KIAA1755: variants seen among roughly 807,000 people sequenced by gnomAD.
KIAA1755 encodes the protein KIAA1755.
In KIAA1755, 68 loss-of-function variants were observed where a neutral mutation model predicts 91.7. That is an observed-to-expected ratio of 0.74 (90% CI 0.61 to 0.91). The LOEUF (loss-of-function observed/expected upper bound fraction) is 0.91, where lower values mean the gene tolerates loss of function less well. Among genes scored for constraint, KIAA1755 ranks in the 40% least tolerant of loss-of-function variants. The pLI is 0.00. For synonymous variants in KIAA1755, 610 were observed against 604.6 expected, an observed-to-expected ratio of 1.01 and a Z score of -0.13; for missense variants, 1,535 against 1,494.4, an observed-to-expected ratio of 1.03 and a Z score of -0.45.
Position 38,240,805 on chromosome 20 carries a change from C to T in KIAA1755, c.1326G>A (p.Lys442=), listed in dbSNP as rs140948739. 1,832 of 1,612,910 alleles carry T rather than the reference C, an allele frequency of 1.1e-3. 2 individuals carry two copies. Among genetic ancestry groups the T allele is most frequent in the Non-Finnish European group, 1.4e-3 (1,634 of 1,179,462 alleles). Residue 442 remains lysine (K), a synonymous_variant, in exon 3 of 14, where the codon AAG becomes AAA. Transcript: ENST00000279024. Reference sequence around the variant, plus strand: ...GAAGTCTCCCATTTCTCTCTTTGGTCTTCACCTCTATCTTTGTTTCAGAGG... The same window carrying T: ...GAAGTCTCCCATTTCTCTCTTTGGTTTTCACCTCTATCTTTGTTTCAGAGG... ...AAASETKIEV[K]TKERNGRLPK...
chr20:38,228,508 C>G (rs542917774), intron 5 of KIAA1755, among the ~76,000 whole-genome samples: 1 of 152,294 alleles, frequency 6.6e-6, no homozygotes, highest in South Asian at 2.1e-4. Context: ...AGCAACTAAC[C>G]CAGGTACAGT....
intron 7 of KIAA1755, 102 bp downstream of exon 7, chr20:38,227,051 CT>C: frequency 1.3e-6 from 1 of 780,090 alleles, no homozygotes; most frequent in Non-Finnish European, 2.1e-6. Context: ...ACCTCCAGGC[CT>C]CTTCTAGCTC....
chr20:38,236,700 C>G (rs552921884), intron 4 of KIAA1755: 1 of 152,194 alleles, frequency 6.6e-6, no homozygotes, highest in Admixed American at 6.6e-5. Context: ...AAACATGGAA[C>G]GCAATGACGA....
At chr20:38,220,564 T>C (rs1290209076) in intron 10 of KIAA1755, among the ~76,000 whole-genome samples, 1 of 152,196 alleles carries the variant, frequency 6.6e-6, no homozygotes, top group Admixed American at 6.5e-5. Context: ...TCTGTCTGCC[T>C]CAGCCTCCAA....
intron 4 of KIAA1755, among the ~76,000 whole-genome samples, chr20:38,232,270 G>A (rs1437479045): frequency 1.3e-5 from 2 of 152,108 alleles, no homozygotes; most frequent in African/African-American, 4.8e-5. Flanking sequence ...CCTCACAGGG[G>A]TCCAACCACC....
At chr20:38,219,870 C>T (rs927417964) in intron 10 of KIAA1755, 102 bp from the exon 11 acceptor site, 1 of 1,469,646 alleles carries the variant, frequency 6.8e-7, no homozygotes, top group African/African-American at 1.4e-5. Context: ...TGGCCCCAGC[C>T]TGGGTTTCCA....
At chr20:38,258,398 A>G (rs1453642983) in intron 1 of KIAA1755, among the ~76,000 whole-genome samples, 2 of 152,210 alleles carry the variant, frequency 1.3e-5, no homozygotes, top group African/African-American at 4.8e-5. Flanking sequence ...TTTCAGTGAT[A>G]CTAACATTTG....
chr20:38,247,930 A>G (rs991881845), intron 1 of KIAA1755, among the ~76,000 whole-genome samples: 3 of 152,212 alleles, frequency 2.0e-5, no homozygotes, highest in African/African-American at 7.2e-5. Flanking sequence ...CTCTTATTAC[A>G]TTAAAAATCG....
In KIAA1755 at chr20:38,213,200, C is replaced by A; in HGVS notation, c.3445G>T (p.Ala1149Ser). The A allele has an allele frequency of 6.2e-7, 1 of 1,613,480 alleles. No homozygotes were observed. Among genetic ancestry groups the A allele is most frequent in the Non-Finnish European group, 8.5e-7 (1 of 1,180,008 alleles). The change falls in exon 14 of 14, where the codon GCC becomes TCC. Residue 1149 changes from alanine to serine, a missense_variant. Physicochemically the swap from Ala to Ser is moderately conservative, Grantham distance 99. Transcript: ENST00000279024. ...GKGSHKLPDPAREHLLATTFF... is the reference protein window; with the variant it reads ...GKGSHKLPDPSREHLLATTFF... ...GTGGTGGCAAGCAAATGCTCGCGGG[C>A]AGGGTCAGGCAGCTTGTGGGAGCCT...
Position 38,223,452 on chromosome 20 carries a change from C to T in KIAA1755, c.2268+86G>A, listed in dbSNP as rs1447993176. Reference sequence around the variant, plus strand: ...ACAGGAATAATGTCCTCCCCCTTTTCCCCAGGCCGTCCCCTTCTCGAAGCC... The same window carrying T: ...ACAGGAATAATGTCCTCCCCCTTTTTCCCAGGCCGTCCCCTTCTCGAAGCC... On this transcript the variant is annotated intron_variant, in intron 9 of 13. Coordinates refer to ENST00000279024, the MANE Select transcript of KIAA1755 (RefSeq NM_001029864.2). 4 of 874,962 alleles carry T rather than the reference C, an allele frequency of 4.6e-6. No individual in the cohort carries two copies. The African/African-American group carries it at 5.4e-5, about 12-fold the overall frequency. The allele number at this position is 874,962 out of a possible 1,614,324, so 54.2% of individuals were successfully genotyped here. A position where few individuals can be genotyped will look rare whatever the true frequency, so the allele number is the denominator to read the frequency against.
Position 38,241,208 on chromosome 20 carries a change from A to T in KIAA1755, c.923T>A (p.Ile308Lys). ...SGCTSGALEE[I>K]AGTKETPLFQ... ...TAAGGGAGTTTCCTTAGTTCCAGCT[A>T]TCTCCTCTAGTGCCCCAGAAGTACA... Residue 308 changes from isoleucine (I) to lysine (K), a missense_variant, in exon 3 of 14, where the codon ATA (isoleucine) becomes AAA (lysine). By Grantham distance (102) the Ile-to-Lys change is moderately radical. Transcript: ENST00000279024. 6.2e-7 allele frequency: 1 copy of T among 1,614,094 alleles called. No homozygotes were observed. Among genetic ancestry groups the T allele is most frequent in the African/African-American group, 1.3e-5 (1 of 75,030 alleles).
intron 13 of KIAA1755, among the ~76,000 whole-genome samples, chr20:38,214,139 C>T (rs557356414): frequency 1.6e-3 from 247 of 152,134 alleles, no homozygotes; most frequent in African/African-American, 5.1e-3. Context: ...TTTAGTAGGA[C>T]GGGGTTTCAC....
At chr20:38,244,517 C>T (rs533850248) in intron 2 of KIAA1755, among the ~76,000 whole-genome samples, 3 of 152,274 alleles carry the variant, frequency 2.0e-5, no homozygotes, top group African/African-American at 7.2e-5. Context: ...AGGCAGTGGG[C>T]AACTCAGGAC....
intron 1 of KIAA1755, among the ~76,000 whole-genome samples, chr20:38,254,384 G>A (rs2123337132): frequency 6.6e-6 from 1 of 152,024 alleles, no homozygotes; most frequent in East Asian, 1.9e-4. Context: ...GTGAGATTAT[G>A]CCCCTGACTC....
At chr20:38,223,775 G>A in intron 8 of KIAA1755, 139 bp from the exon 9 acceptor site, 4 of 635,926 alleles carry the variant, frequency 6.3e-6, no homozygotes, top group South Asian at 3.8e-5. Context: ...TGGAGAGCTG[G>A]TTAAAACACA....
Position 38,237,271 on chromosome 20 carries a change from G to A in KIAA1755, c.1747+2257C>T, listed in dbSNP as rs902709181. ...GTGAAGTCATCACACAGGACTGTGGGGGAGTCATTCAGGACTCTGGAGGTG... is the reference window on the plus strand; with the variant it reads ...GTGAAGTCATCACACAGGACTGTGGAGGAGTCATTCAGGACTCTGGAGGTG... On this transcript the variant is annotated intron_variant, in intron 4 of 13. Coordinates refer to ENST00000279024, the MANE Select transcript of KIAA1755 (RefSeq NM_001029864.2). Among the ~76,000 whole-genome samples, 6 of 151,984 alleles carry A rather than the reference G, an allele frequency of 3.9e-5. No homozygotes were observed. In the East Asian group the frequency reaches 5.9e-4, roughly 15 times the overall value.
chr20:38,224,225 T>C (rs1402349145), intron 8 of KIAA1755, among the ~76,000 whole-genome samples: 1 of 152,170 alleles, frequency 6.6e-6, no homozygotes, highest in Non-Finnish European at 1.5e-5. Context: ...GCCCATACTG[T>C]GTTTATCATC....
rs1401194394 is a variant in KIAA1755, at chr20:38,213,576, G to T, written c.3069C>A (p.Ser1023=). ...KLAAVGLQVA[S]LSRAGLGQEL... is the part of the protein sequence containing the mutation. ...CCTGGCCCAGGCCTGCCCGGCTCAG[G>T]GAGGCCACCTGCAGCCCCACGGCTG... The change falls in exon 14 of 14, where the codon TCC becomes TCA. Residue 1023 remains serine, a synonymous_variant. Transcript: ENST00000279024. 6.8e-6 allele frequency: 11 copies of T among 1,607,240 alleles called. No individual in the cohort carries two copies. The highest frequency in any genetic ancestry group is 9.4e-6 in the Non-Finnish European group (11 of 1,176,470).
At chr20:38,214,056 A>C (rs1474370213) in intron 13 of KIAA1755, among the ~76,000 whole-genome samples, 1 of 151,630 alleles carries the variant, frequency 6.6e-6, no homozygotes, top group Non-Finnish European at 1.5e-5. Context: ...GGTTCAAACA[A>C]TTCTCCTGTC....
Sources: allele counts gnomAD v4.1 joint callset (sites outside exome capture counted in the v4.1 genomes callset), GRCh38; gene constraint gnomAD v4.1.1; transcripts MANE v1.5; gene names NCBI Gene and HGNC (gene_info 2026-07-23, HGNC 2026-07-21).